MAN1C1: variants seen among roughly 807,000 people sequenced by gnomAD.
MAN1C1 encodes the protein mannosyl-oligosaccharide 1,2-alpha-mannosidase IC.
Under a neutral mutation model 71.5 loss-of-function variants are expected in MAN1C1, and 49 were observed. That is an observed-to-expected ratio of 0.69 (90% CI 0.54 to 0.87). The LOEUF (loss-of-function observed/expected upper bound fraction) is 0.87. Ranked by LOEUF, MAN1C1 falls within the 40% of genes least tolerant of loss-of-function variation. The pLI, the probability that MAN1C1 is intolerant of heterozygous loss-of-function variation, is 0.00. For missense variants in MAN1C1, 743 were observed against 835.0 expected, an observed-to-expected ratio of 0.89 and a Z score of 1.36; for synonymous variants, 352 against 343.7, an observed-to-expected ratio of 1.02 and a Z score of -0.27.
At position 25,779,661 on chromosome 1, in the gene MAN1C1, G is replaced by A. The variant is rs2047667730; in HGVS notation, c.1478-1279G>A. 1.3e-5 allele frequency among the ~76,000 whole-genome samples: 2 copies of A among 151,912 alleles called. No individual in the cohort carries two copies. The highest frequency in any genetic ancestry group is 4.2e-4 in the South Asian group (2 of 4,808). On this transcript the variant is annotated intron_variant, in intron 9 of 11. Transcript: ENST00000374332. This position sits in a 1 kb window ranked among gnomAD's most constrained non-coding sequence, Gnocchi z 4.6. ...TTGTCCTGTGGACGCCTGTAGCAGT[G>A]GCTCCTGCCTTCACCCCACTAGCGA...
chr1:25,767,517 A>C (rs1572206404), intron 7 of MAN1C1, among the ~76,000 whole-genome samples: 1 of 128,398 alleles, frequency 7.8e-6, no homozygotes. Context: ...CACACATTAC[A>C]TACTACATAC....
chr1:25,701,365 C>G (rs562515822), intron 2 of MAN1C1, among the ~76,000 whole-genome samples: 1 of 152,360 alleles, frequency 6.6e-6, no homozygotes, highest in African/African-American at 2.4e-5. Context: ...AGTGCAGACC[C>G]CTTCCTGTGA....
In MAN1C1 at chr1:25,704,185, C is replaced by T. The variant is rs2046486263; in HGVS notation, c.637+17649C>T. On this transcript the variant is annotated intron_variant, in intron 2 of 11. Transcript: ENST00000374332. The stretch of plus-strand genomic sequence containing the variant: ...CTGAGAACAGCCTCTTTCTAGCCAC[C>T]CAGCCCCTTTATTAAACTTCCTTCC... 3.3e-5 allele frequency among the ~76,000 whole-genome samples: 5 copies of T among 152,218 alleles called. No homozygotes were observed. In the South Asian group the frequency reaches 8.3e-4, roughly 25 times the overall value.
intron 1 of MAN1C1, among the ~76,000 whole-genome samples, chr1:25,620,390 A>G (rs1021793726): frequency 3.3e-5 from 5 of 152,118 alleles, no homozygotes; most frequent in Non-Finnish European, 5.9e-5. Context: ...TTTGAAACCT[A>G]TTGTCTCTTC....
rs1050922319 is a variant in MAN1C1 at position 25,776,317 on chromosome 1, G to A, written c.1258-1788G>A. Among the ~76,000 whole-genome samples the A allele has an allele frequency of 1.3e-5, 2 of 152,134 alleles. No individual in the cohort carries two copies. The highest frequency in any genetic ancestry group is 2.1e-4 in the South Asian group (1 of 4,832). On this transcript the variant is annotated intron_variant, in intron 8 of 11. Coordinates refer to ENST00000374332, the MANE Select transcript of MAN1C1 (RefSeq NM_020379.4). This position sits in a 1 kb window ranked among gnomAD's most constrained non-coding sequence, Gnocchi z 4.3. ...TGTAATCCCAACATTTTGGGAGGCC[G>A]AGGTGGGTGGATCCCCTGAGGTCAG... is the stretch of plus-strand genomic sequence containing the variant.
rs140790525 is a variant in MAN1C1 at position 25,757,118 on chromosome 1, G to A, written c.930-1474G>A. 1.5e-4 allele frequency among the ~76,000 whole-genome samples: 23 copies of A among 152,324 alleles called. No homozygotes were observed. The East Asian group carries it at 4.2e-3, about 28-fold the overall frequency. On this transcript the variant is annotated intron_variant, in intron 5 of 11. Coordinates refer to ENST00000374332, the MANE Select transcript of MAN1C1 (RefSeq NM_020379.4). ...AACCACATCCAGCCCCAAGAATGGA[G>A]TTTAGAGAGAACAGCAGTATCAGGG...
chr1:25,650,299 T>C (rs1314992381), intron 1 of MAN1C1, among the ~76,000 whole-genome samples: 1 of 152,224 alleles, frequency 6.6e-6, no homozygotes, highest in Non-Finnish European at 1.5e-5. Context: ...GGCATCTGGC[T>C]CATGGCTGGG....
chr1:25,751,713 C>G (rs2124350588), intron 4 of MAN1C1, among the ~76,000 whole-genome samples: 1 of 152,318 alleles, frequency 6.6e-6, no homozygotes, highest in South Asian at 2.1e-4. Context: ...TCGGATGGCC[C>G]CATCAGGTGC....
chr1:25,755,832 A>C (rs1292124355), intron 5 of MAN1C1, among the ~76,000 whole-genome samples: 3 of 152,228 alleles, frequency 2.0e-5, no homozygotes, highest in Non-Finnish European at 2.9e-5. Context: ...GAGAGAACAC[A>C]GGCTATGGGC....
At chr1:25,677,412 A>G (rs759806230) in intron 1 of MAN1C1, among the ~76,000 whole-genome samples, 134 of 80,368 alleles carry the variant, frequency 1.7e-3, no homozygotes, top group Non-Finnish European at 1.9e-3. Context: ...TCTAGCAGGG[A>G]CACACACACA....
chr1:25,772,303 G>C (rs184729860), intron 8 of MAN1C1: 1 of 156,610 alleles, frequency 6.4e-6, no homozygotes, highest in Non-Finnish European at 1.4e-5. Flanking sequence ...CTAGAGAGGG[G>C]AAGGCACTTG....
At chr1:25,712,552 G>A (rs1452297994) in intron 2 of MAN1C1, among the ~76,000 whole-genome samples, 1 of 152,180 alleles carries the variant, frequency 6.6e-6, no homozygotes, top group African/African-American at 2.4e-5. Context: ...TATCCTGATG[G>A]TTCTAGCATG....
At chr1:25,662,570 G>GCC (rs1553184250) in intron 1 of MAN1C1, among the ~76,000 whole-genome samples, 1 of 151,628 alleles carries the variant, frequency 6.6e-6, no homozygotes, top group Admixed American at 6.6e-5. Flanking sequence ...GCACACATGC[G>GCC]CACACACACA....
At chr1:25,731,002 C>A (rs561188269) in intron 2 of MAN1C1, among the ~76,000 whole-genome samples, 1 of 152,200 alleles carries the variant, frequency 6.6e-6, no homozygotes, top group Non-Finnish European at 1.5e-5. Context: ...GTGCTTCCCC[C>A]ACAATCGCTG....
rs185515144 is a variant in MAN1C1, at chr1:25,707,336, G to A, written c.637+20800G>A. Among the ~76,000 whole-genome samples, 8 of 152,358 alleles carry A rather than the reference G, an allele frequency of 5.3e-5. No homozygotes were observed. In the East Asian group the frequency reaches 1.5e-3, roughly 29 times the overall value. ...TTGGCCCATCAGTGCTCTGTGCAGA[G>A]CCCAGGTAGGGGGGCTTTATCTGTA... is the stretch of plus-strand genomic sequence containing the variant. On this transcript the variant is annotated intron_variant, in intron 2 of 11. Transcript: ENST00000374332.
intron 1 of MAN1C1, among the ~76,000 whole-genome samples, chr1:25,626,787 G>A (rs1363884169): frequency 6.6e-6 from 1 of 152,074 alleles, no homozygotes; most frequent in African/African-American, 2.4e-5. Flanking sequence ...CTAGATACAA[G>A]TTCTTTAACA....
intron 2 of MAN1C1, among the ~76,000 whole-genome samples, chr1:25,742,372 C>T (rs139246018): frequency 1.3e-5 from 2 of 152,154 alleles, no homozygotes; most frequent in African/African-American, 4.8e-5. Flanking sequence ...ACTACACAAC[C>T]AGATCAGGTA....
rs1055577364 is a variant in MAN1C1, at chr1:25,769,723, G to A, written c.1142-1934G>A. Among the ~76,000 whole-genome samples, 6 of 152,024 alleles carry A rather than the reference G, an allele frequency of 3.9e-5. No homozygotes were observed. Among genetic ancestry groups the A allele is most frequent in the Non-Finnish European group, 5.9e-5 (4 of 67,972 alleles). ...GCCGTGTAGTTACTGGGCACAGAGC[G>A]GGAGTCGCATGCAATCCCTCCCCAC... On this transcript the variant is annotated intron_variant, in intron 7 of 11. Transcript: ENST00000374332. The surrounding 1 kb of genome is among the most constrained non-coding windows in gnomAD (Gnocchi z 4.8).
chr1:25,662,410 C>T (rs1253756545), intron 1 of MAN1C1, among the ~76,000 whole-genome samples: 2 of 152,180 alleles, frequency 1.3e-5, no homozygotes, highest in Non-Finnish European at 2.9e-5. Context: ...ATTGTGTAGT[C>T]ATATTCCTCT....
Sources: gnomAD v4.1 joint callset for allele counts (sites outside exome capture counted in the v4.1 genomes callset) on GRCh38, gnomAD v4.1.1 for gene constraint, Gnocchi (gnomAD v3.1) non-coding constraint, MANE v1.5 for transcripts, NCBI Gene and HGNC (gene_info 2026-07-23, HGNC 2026-07-21) for gene names.